ZNF385D: variants seen among roughly 807,000 people sequenced by gnomAD.
The protein encoded by ZNF385D is zinc finger protein 659.
ZNF385D carries 15 observed loss-of-function variants against 35.8 expected under a neutral mutation model. That is an observed-to-expected ratio of 0.42 (90% CI 0.28 to 0.64). ZNF385D has a LOEUF of 0.64. ZNF385D is among the 30% of genes least tolerant of loss of function. ZNF385D has a pLI of 0.23. For synonymous variants in ZNF385D, 212 were observed against 186.8 expected, an observed-to-expected ratio of 1.13 and a Z score of -1.10; for missense variants, 474 against 494.6, an observed-to-expected ratio of 0.96 and a Z score of 0.39.
chr3:22,323,946 C>A (rs1694559349), intron 2 of ZNF385D, among the ~76,000 whole-genome samples: 1 of 152,156 alleles, frequency 6.6e-6, no homozygotes, highest in African/African-American at 2.4e-5. Flanking sequence ...ATACTATCCA[C>A]AACATGAGCT....
intron 2 of ZNF385D, among the ~76,000 whole-genome samples, chr3:21,662,793 C>G (rs1175579731): frequency 6.6e-6 from 1 of 152,138 alleles, no homozygotes; most frequent in Non-Finnish European, 1.5e-5. Context: ...AGAATCAAGT[C>G]AAACTTTTGC....
At chr3:21,734,162 G>A (rs918223754) in intron 1 of ZNF385D, among the ~76,000 whole-genome samples, 1 of 151,938 alleles carries the variant, frequency 6.6e-6, no homozygotes, top group East Asian at 1.9e-4. Context: ...TTAACTTATA[G>A]AGAGCCAACA....
intron 3 of ZNF385D, among the ~76,000 whole-genome samples, chr3:21,767,598 C>A (rs1374070073): frequency 4.6e-5 from 7 of 151,548 alleles, no homozygotes; most frequent in African/African-American, 1.7e-4. Flanking sequence ...ACAGTAGGTG[C>A]CCAATATATA....
intron 4 of ZNF385D, among the ~76,000 whole-genome samples, chr3:21,476,955 T>C (rs1377266500): frequency 6.6e-6 from 1 of 152,150 alleles, no homozygotes; most frequent in African/African-American, 2.4e-5. Flanking sequence ...TTCTGAACCA[T>C]TCTATGTCAC....
chr3:21,945,163 C>CAT (rs146351553), intron 3 of ZNF385D, among the ~76,000 whole-genome samples: 21,451 of 123,262 alleles, frequency 0.17, 1,932 homozygotes, highest in East Asian at 0.35. Flanking sequence ...TATACACACA[C>CAT]ATATATATAT....
chr3:21,485,619 G>A lies in ZNF385D; in HGVS notation c.439+25242C>T, dbSNP rs546934909. Among the ~76,000 whole-genome samples the A allele has an allele frequency of 2.5e-4, 38 of 151,928 alleles. No homozygotes were observed. In the South Asian group the frequency reaches 2.7e-3, roughly 11 times the overall value. The stretch of plus-strand genomic sequence containing the variant: ...CTTTCACCATTTTTCCCATCTGTGA[G>A]GATTACAGAGAAGTGGGATATTCCA... On this transcript the variant is annotated intron_variant, in intron 4 of 7. Coordinates refer to ENST00000281523, the MANE Select transcript of ZNF385D (RefSeq NM_024697.3).
chr3:21,975,562 C>A (rs1269094958), intron 3 of ZNF385D, among the ~76,000 whole-genome samples: 1 of 151,868 alleles, frequency 6.6e-6, no homozygotes, highest in African/African-American at 2.4e-5. Context: ...TTGGTTGTAA[C>A]ACAAAGAAAG....
intron 2 of ZNF385D, among the ~76,000 whole-genome samples, chr3:22,302,365 T>C (rs1381791236): frequency 3.3e-5 from 5 of 151,438 alleles, no homozygotes; most frequent in African/African-American, 1.2e-4. Flanking sequence ...TTTCTATCAA[T>C]GAATAGTAAA....
rs143838079 is a variant in ZNF385D at position 21,480,915 on chromosome 3, T to C, written c.439+29946A>G. ...GTCATTTCATTTGTTACATAAATCA[T>C]TGAATTTTACTTTAAGAAAGTACAT... On this transcript the variant is annotated intron_variant, in intron 4 of 7. Coordinates refer to ENST00000281523, the MANE Select transcript of ZNF385D (RefSeq NM_024697.3). Among the ~76,000 whole-genome samples the C allele has an allele frequency of 4.5e-3, 692 of 152,358 alleles. 7 individuals are homozygous for C. The highest frequency in any genetic ancestry group is 0.016 in the African/African-American group (670 of 41,592).
intron 2 of ZNF385D, among the ~76,000 whole-genome samples, chr3:22,248,451 T>C (rs1699902470): frequency 2.0e-5 from 3 of 152,310 alleles, no homozygotes; most frequent in Admixed American, 6.5e-5. Flanking sequence ...TAAAGAGCTA[T>C]AGAGTGAGGC....
intron 2 of ZNF385D, among the ~76,000 whole-genome samples, chr3:22,338,810 C>G (rs1695291258): frequency 6.7e-6 from 1 of 150,108 alleles, no homozygotes; most frequent in Admixed American, 6.6e-5. Context: ...TAGCAATTCT[C>G]CTGCCTCAGC....
At chr3:21,853,663 T>C (rs1696533421) in intron 3 of ZNF385D, among the ~76,000 whole-genome samples, 1 of 151,768 alleles carries the variant, frequency 6.6e-6, no homozygotes, top group South Asian at 2.1e-4. Context: ...AGAATGAATT[T>C]TGAGCCTCGA....
chr3:22,174,943 A>C (rs1559428604), intron 2 of ZNF385D, among the ~76,000 whole-genome samples: 1 of 152,116 alleles, frequency 6.6e-6, no homozygotes, highest in Non-Finnish European at 1.5e-5. Flanking sequence ...CCCAAATTTT[A>C]CAAAAGTTTT....
chr3:21,836,885 C>T (rs1365916151), intron 3 of ZNF385D, among the ~76,000 whole-genome samples: 3 of 152,070 alleles, frequency 2.0e-5, no homozygotes, highest in South Asian at 2.1e-4. Flanking sequence ...TGGTGAGAAC[C>T]GGGAATAATC....
At chr3:22,036,543 G>A (rs1021242697) in intron 3 of ZNF385D, among the ~76,000 whole-genome samples, 6 of 151,830 alleles carry the variant, frequency 4.0e-5, no homozygotes, top group African/African-American at 9.7e-5. Context: ...AGTGATATGA[G>A]TATATGGCAA....
chr3:21,779,051 T>G (rs943759943), intron 3 of ZNF385D, among the ~76,000 whole-genome samples: 1 of 151,972 alleles, frequency 6.6e-6, no homozygotes, highest in African/African-American at 2.4e-5. Context: ...ATCTGGTGGC[T>G]GACATAAAGG....
Position 21,412,835 on chromosome 3 carries a change from C to G in ZNF385D, c.*8379G>C, listed in dbSNP as rs971323910. The G allele has an allele frequency of 5.9e-5, 9 of 151,984 alleles. No individual in the cohort carries two copies. Among genetic ancestry groups the G allele is most frequent in the African/African-American group, 2.2e-4 (9 of 41,380 alleles). 9.4% of individuals were successfully genotyped at this position (151,984 alleles called of 1,614,324 possible). A position where few individuals can be genotyped will look rare whatever the true frequency, so the allele number is the denominator to read the frequency against. On this transcript the variant is annotated 3_prime_UTR_variant, in exon 8 of 8. Transcript: ENST00000281523. ...AGGACCACAGACAAGATAAACTGTG[C>G]TATATTTTACATTTCTGAGTCAATA...
At chr3:22,027,104 A>G (rs147455592) in intron 3 of ZNF385D, among the ~76,000 whole-genome samples, 16 of 152,298 alleles carry the variant, frequency 1.1e-4, no homozygotes, top group African/African-American at 3.8e-4. Context: ...GCAGCAATAT[A>G]CCTTTACTGT....
At chr3:21,778,872 T>C (rs1405047750) in intron 3 of ZNF385D, among the ~76,000 whole-genome samples, 2 of 151,960 alleles carry the variant, frequency 1.3e-5, no homozygotes, top group Non-Finnish European at 2.9e-5. Flanking sequence ...AATCACTGTC[T>C]GGCACATAGT....
Sources: gnomAD v4.1 joint callset for allele counts (sites outside exome capture counted in the v4.1 genomes callset) on GRCh38, gnomAD v4.1.1 for gene constraint, MANE v1.5 for transcripts, NCBI Gene and HGNC (gene_info 2026-07-23, HGNC 2026-07-21) for gene names.